CLDN14: variants seen among roughly 807,000 people sequenced by gnomAD.
The protein encoded by CLDN14 is claudin-14.
CLDN14 carries 2 observed loss-of-function variants against 2.1 expected under a neutral mutation model. That is an observed-to-expected ratio of 0.96 (90% CI 0.39 to 3.01). The LOEUF is 3.01. Ranked by LOEUF, CLDN14 falls within the 30% of genes most tolerant of loss-of-function variation. The probability of loss-of-function intolerance (pLI) is 0.09; values close to 1 mark genes in which losing one functional copy is unlikely to be tolerated. For synonymous variants in CLDN14, 136 were observed against 154.4 expected (o/e 0.88, Z 0.88); for missense variants, 298 against 328.0 (o/e 0.91, Z 0.71).
At chr21:36,522,047 A>G (rs1387155711) in intron 1 of CLDN14, among the ~76,000 whole-genome samples, 1 of 152,184 alleles carries the variant, frequency 6.6e-6, no homozygotes, top group Non-Finnish European at 1.5e-5. Flanking sequence ...CTTAACTTTA[A>G]AAATAAAGGT....
intron 2 of CLDN14, among the ~76,000 whole-genome samples, chr21:36,496,544 C>A (rs147376064): frequency 6.7e-6 from 1 of 149,902 alleles, no homozygotes; most frequent in East Asian, 2.0e-4. Context: ...TAGAACCAGG[C>A]AGGAGATTTA....
intron 1 of CLDN14, among the ~76,000 whole-genome samples, chr21:36,530,435 C>T (rs1433192029): frequency 6.6e-6 from 1 of 152,266 alleles, no homozygotes; most frequent in Non-Finnish European, 1.5e-5. Context: ...AGCTCACATG[C>T]CCCACCTCAG....
chr21:36,502,938 C>G (rs1431255799), intron 2 of CLDN14, among the ~76,000 whole-genome samples: 1 of 152,240 alleles, frequency 6.6e-6, no homozygotes, highest in African/African-American at 2.4e-5. Context: ...GGCCCCACTC[C>G]TAGACCAATT....
At position 36,461,315 on chromosome 21, in the gene CLDN14, C is replaced by T. The variant is rs949044638; in HGVS notation, c.381G>A (p.Leu127=). The T allele has an allele frequency of 6.2e-7, 1 of 1,613,480 alleles. No individual in the cohort carries two copies. The highest frequency in any genetic ancestry group is 1.3e-5 in the African/African-American group (1 of 74,924). ...FAILGGTLFI[L]AGLLCMVAVS... is the part of the protein sequence containing the mutation. ...CGGCCACCATGCACAGGAGGCCGGC[C>T]AGGATGAAGAGGGTGCCGCCGAGGA... The change falls in exon 2 of 2, where the codon CTG becomes CTA. Residue 127 remains leucine (L), a synonymous_variant. Coordinates refer to ENST00000399135, the MANE Select transcript of CLDN14 (RefSeq NM_001146079.2).
chr21:36,503,324 G>T (rs2226830), intron 2 of CLDN14, among the ~76,000 whole-genome samples: 102,511 of 152,130 alleles, frequency 0.67, 39,303 homozygotes, highest in Non-Finnish European at 0.89. Context: ...AAAGTGTTAG[G>T]ATTACAGGCA....
At chr21:36,502,491 A>T (rs1253992283) in intron 2 of CLDN14, among the ~76,000 whole-genome samples, 1 of 152,158 alleles carries the variant, frequency 6.6e-6, no homozygotes, top group Admixed American at 6.6e-5. Flanking sequence ...GATATCTTAG[A>T]TTGCTTTCTT....
chr21:36,488,219 C>CTT (rs1457039600), intron 2 of CLDN14, among the ~76,000 whole-genome samples: 3 of 56,364 alleles, frequency 5.3e-5, no homozygotes, highest in African/African-American at 1.8e-4. Context: ...TACTGTGATT[C>CTT]CCCTTCCTTC....
At chr21:36,482,515 T>C (rs1023989369), upstream of CLDN14, among the ~76,000 whole-genome samples, 5 of 152,202 alleles carry the variant, frequency 3.3e-5, no homozygotes, top group African/African-American at 9.7e-5. Context: ...CTTGATTCAT[T>C]TTTTGATTTC....
chr21:36,536,482 G>A (rs2087424484), intron 1 of CLDN14, among the ~76,000 whole-genome samples: 1 of 152,200 alleles, frequency 6.6e-6, no homozygotes, highest in South Asian at 2.1e-4. Flanking sequence ...TGTGAGCTGT[G>A]AAAGAGGTGG....
At chr21:36,478,366 C>G (rs1212028196) in intron 1 of CLDN14, among the ~76,000 whole-genome samples, 2 of 152,200 alleles carry the variant, frequency 1.3e-5, no homozygotes, top group African/African-American at 4.8e-5. Context: ...AGCTGCTCAG[C>G]CTATTACTCA....
rs563856545 is a variant in CLDN14 at position 36,548,670 on chromosome 21, C to T, written c.-220+27741G>A. Among the ~76,000 whole-genome samples the T allele has an allele frequency of 3.9e-5, 6 of 152,282 alleles. No individual in the cohort carries two copies. The East Asian group carries it at 1.2e-3, about 29-fold the overall frequency. On this transcript the variant is annotated intron_variant, in intron 1 of 2. Transcript: ENST00000342108. ...CGGTATCTCCTGCTTCTCCCCTCTC[C>T]CGCATGGTCCCCAATGGAGTAAGGC... is the stretch of plus-strand genomic sequence containing the variant.
At chr21:36,563,287 T>C (rs1411847296) in intron 1 of CLDN14, among the ~76,000 whole-genome samples, 2 of 152,180 alleles carry the variant, frequency 1.3e-5, no homozygotes, top group Non-Finnish European at 2.9e-5. Context: ...CCGTGCATTA[T>C]TGGGGTTTTA....
intron 1 of CLDN14, among the ~76,000 whole-genome samples, chr21:36,513,992 C>T (rs895673859): frequency 1.3e-5 from 2 of 152,102 alleles, no homozygotes; most frequent in Non-Finnish European, 2.9e-5. Flanking sequence ...ACCACCATGC[C>T]TAGCTTATTT....
intron 1 of CLDN14, among the ~76,000 whole-genome samples, chr21:36,521,144 G>T (rs1445744269): frequency 6.6e-6 from 1 of 152,056 alleles, no homozygotes; most frequent in Non-Finnish European, 1.5e-5. Context: ...ATTTGGCTCT[G>T]ACCACAATAT....
chr21:36,525,130 A>G (rs926627250), intron 1 of CLDN14, among the ~76,000 whole-genome samples: 1 of 152,162 alleles, frequency 6.6e-6, no homozygotes, highest in African/African-American at 2.4e-5. Flanking sequence ...CCACTCAACA[A>G]GCAGCCAGAC....
At chr21:36,517,007 T>C (rs1439078401) in intron 1 of CLDN14, among the ~76,000 whole-genome samples, 2 of 151,484 alleles carry the variant, frequency 1.3e-5, no homozygotes, top group Non-Finnish European at 2.9e-5. Flanking sequence ...GCCTGGCTAA[T>C]TTTAGTATTT....
chr21:36,507,723 C>T (rs1258401740), intron 2 of CLDN14, among the ~76,000 whole-genome samples: 1 of 152,140 alleles, frequency 6.6e-6, no homozygotes, highest in East Asian at 1.9e-4. Context: ...GAGATTGTGC[C>T]ACTGCACTCC....
At chr21:36,504,619 T>C (rs2087115684) in intron 2 of CLDN14, among the ~76,000 whole-genome samples, 1 of 152,210 alleles carries the variant, frequency 6.6e-6, no homozygotes, top group South Asian at 2.1e-4. Flanking sequence ...TACAATTATT[T>C]AAAAAGGAAA....
chr21:36,497,729 C>T lies in CLDN14; in HGVS notation c.-82+12634G>A, dbSNP rs528274208. Among the ~76,000 whole-genome samples, 8 of 152,270 alleles carry T rather than the reference C, an allele frequency of 5.3e-5. No homozygotes were observed. In the East Asian group the frequency reaches 1.4e-3, roughly 26 times the overall value. Reference sequence around the variant, plus strand: ...GTCCACAGATCACATCTGCCCCCTTCTGCCCCCGCCCAGGTCCCAACCACC... The same window carrying T: ...GTCCACAGATCACATCTGCCCCCTTTTGCCCCCGCCCAGGTCCCAACCACC... On this transcript the variant is annotated intron_variant, in intron 2 of 2. Coordinates refer to the CLDN14 transcript ENST00000342108.
Sources: allele counts gnomAD v4.1 joint callset (sites outside exome capture counted in the v4.1 genomes callset), GRCh38; gene constraint gnomAD v4.1.1; transcripts MANE v1.5; gene names NCBI Gene and HGNC (gene_info 2026-07-23, HGNC 2026-07-21).